The following MEOX1 variants were observed in gnomAD, a reference collection of about 807,000 sequenced individuals.
MEOX1 encodes the protein homeobox protein MOX-1.
MEOX1 carries 17 observed loss-of-function variants against 23.2 expected under a neutral mutation model. The observed-to-expected ratio is 0.73, with a 90% CI of 0.50 to 1.10. MEOX1 has a LOEUF of 1.10. MEOX1 is among the 50% of genes least tolerant of loss of function. MEOX1 has a pLI of 0.00. For synonymous variants in MEOX1, 134 were observed against 135.1 expected, an observed-to-expected ratio of 0.99 and a Z score of 0.06; for missense variants, 333 against 332.2, an observed-to-expected ratio of 1.00 and a Z score of -0.02.
intron 1 of MEOX1, among the ~76,000 whole-genome samples, chr17:43,660,228 C>T (rs1275023160): frequency 6.6e-6 from 1 of 152,084 alleles, no homozygotes; most frequent in Non-Finnish European, 1.5e-5. Context: ...AGCAGCAGGT[C>T]CCCACCCTGG....
chr17:43,643,471 G>A lies in MEOX1; in HGVS notation c.642+17C>T. 1.3e-6 allele frequency: 2 copies of A among 1,552,658 alleles called. No homozygotes were observed. Among genetic ancestry groups the A allele is most frequent in the South Asian group, 1.2e-5 (1 of 83,516 alleles). On this transcript the variant is annotated intron_variant, in intron 2 of 2. Transcript: ENST00000318579. ...GATGAGAGAGCAAAGAAGAGGAGGG[G>A]CCCACCGGGGGCGCACCTGGCGCTC...
chr17:43,661,776 C>A lies in MEOX1; in HGVS notation c.-242G>T. The A allele has an allele frequency of 5.0e-6, 2 of 401,706 alleles. No individual in the cohort carries two copies. The highest frequency in any genetic ancestry group is 2.1e-5 in the African/African-American group (1 of 48,570). The allele number at this position is 401,706 out of a possible 1,614,324, so 24.9% of individuals were successfully genotyped here. ...CACACCTATGTCGGGCTTGCTCCTGCCCCTCCAATGCACCAGCCTACCTAC... is the reference window on the plus strand; with the variant it reads ...CACACCTATGTCGGGCTTGCTCCTGACCCTCCAATGCACCAGCCTACCTAC... On this transcript the variant is annotated 5_prime_UTR_variant, in exon 1 of 3. Transcript: ENST00000318579.
At chr17:43,655,786 C>T (rs1041504782) in intron 1 of MEOX1, among the ~76,000 whole-genome samples, 1 of 151,038 alleles carries the variant, frequency 6.6e-6, no homozygotes, top group Non-Finnish European at 1.5e-5. Context: ...TGCATGATTT[C>T]ACTTATGTAA....
intron 1 of MEOX1, among the ~76,000 whole-genome samples, chr17:43,660,605 G>A (rs1046436757): frequency 6.6e-6 from 1 of 152,176 alleles, no homozygotes; most frequent in African/African-American, 2.4e-5. Flanking sequence ...GGCCACCCAG[G>A]GTCCCAGCTT....
chr17:43,646,715 C>T (rs1179173090), intron 1 of MEOX1, among the ~76,000 whole-genome samples: 7 of 152,244 alleles, frequency 4.6e-5, no homozygotes, highest in South Asian at 2.1e-4. Context: ...GTGGCTCACG[C>T]CTGTAATCCC....
chr17:43,641,931 T>G lies in MEOX1; in HGVS notation c.744A>C (p.Thr248=). ...AATCTCACTCTGAACTTGGAGAGGCTGTGGAGTCCCCATCCTCAGGGTCCT... is the reference window on the plus strand; with the variant it reads ...AATCTCACTCTGAACTTGGAGAGGCGGTGGAGTCCCCATCCTCAGGGTCCT... ...NGQDPEDGDS[T]ASPSSE Residue 248 remains threonine, a synonymous_variant, in exon 3 of 3, where the codon ACA becomes ACC. Coordinates refer to ENST00000318579, the MANE Select transcript of MEOX1 (RefSeq NM_004527.4). 3 of 1,613,892 alleles carry G rather than the reference T, an allele frequency of 1.9e-6. No individual in the cohort carries two copies. The highest frequency in any genetic ancestry group is 2.5e-6 in the Non-Finnish European group (3 of 1,179,894).
chr17:43,641,767 C>T lies in MEOX1; in HGVS notation c.*143G>A. ...GAAAATCCTAAGACTCCCAGGAATG[C>T]TGGGCAGTTTCATATCCAAGAGTCA... is the stretch of plus-strand genomic sequence containing the variant. On this transcript the variant is annotated 3_prime_UTR_variant, in exon 3 of 3. Coordinates refer to ENST00000318579, the MANE Select transcript of MEOX1 (RefSeq NM_004527.4). 1 of 839,552 alleles carries T rather than the reference C, an allele frequency of 1.2e-6. No individual in the cohort carries two copies. The highest frequency in any genetic ancestry group is 2.5e-4 in the Middle Eastern group (1 of 3,982). The allele number at this position is 839,552 out of a possible 1,614,324, so 52.0% of individuals were successfully genotyped here. A position where few individuals can be genotyped will look rare whatever the true frequency, so the allele number is the denominator to read the frequency against.
chr17:43,657,170 C>CTTT (rs57432395), intron 1 of MEOX1, among the ~76,000 whole-genome samples: 9 of 81,722 alleles, frequency 1.1e-4, no homozygotes, highest in Admixed American at 1.6e-4. Context: ...TTCTTTCTTT[C>CTTT]TTTTTTTTTT....
rs149330358 is a variant in MEOX1 at position 43,651,482 on chromosome 17, G to A, written c.470-7822C>T. On this transcript the variant is annotated intron_variant, in intron 1 of 2. Coordinates refer to ENST00000318579, the MANE Select transcript of MEOX1 (RefSeq NM_004527.4). ...TCACCCTCAGCTGTCACCAAAGGAA[G>A]TGTGGGCTTGAGACCCAGGCCCACT... Among the ~76,000 whole-genome samples, 467 of 152,190 alleles carry A rather than the reference G, an allele frequency of 3.1e-3. 1 individual carries two copies. Among genetic ancestry groups the A allele is most frequent in the African/African-American group, 9.5e-3 (395 of 41,518 alleles).
Position 43,645,326 on chromosome 17 carries a change from G to A in MEOX1, c.470-1666C>T, listed in dbSNP as rs368652952. On this transcript the variant is annotated intron_variant, in intron 1 of 2. Coordinates refer to ENST00000318579, the MANE Select transcript of MEOX1 (RefSeq NM_004527.4). ...CGAGTAGCTGGGACTACAGGCGCCC[G>A]CCACCACGCCCGGCAAATTTTTTTG... 1.4e-3 allele frequency among the ~76,000 whole-genome samples: 215 copies of A among 151,902 alleles called. 5 individuals are homozygous for A. The South Asian group carries it at 0.044, about 31-fold the overall frequency.
At chr17:43,658,648 C>T (rs933057077) in intron 1 of MEOX1, among the ~76,000 whole-genome samples, 2 of 151,888 alleles carry the variant, frequency 1.3e-5, no homozygotes. Context: ...GGGTGGGGGG[C>T]TCTCTGTGGG....
intron 1 of MEOX1, among the ~76,000 whole-genome samples, chr17:43,645,180 T>C (rs1262273129): frequency 7.0e-6 from 1 of 142,638 alleles, no homozygotes; most frequent in Non-Finnish European, 1.5e-5. Context: ...TCTTTTTTTT[T>C]TTTTTTTTTT....
intron 1 of MEOX1, among the ~76,000 whole-genome samples, chr17:43,657,166 C>CTTTTTT (rs1567748530): frequency 1.2e-5 from 1 of 81,146 alleles, no homozygotes; most frequent in African/African-American, 3.9e-5. Flanking sequence ...TTCTTTCTTT[C>CTTTTTT]TTTCTTTTTT....
intron 1 of MEOX1, among the ~76,000 whole-genome samples, chr17:43,654,888 T>TAAAAAAAA (rs1972986162): frequency 1.3e-5 from 2 of 151,534 alleles, no homozygotes; most frequent in East Asian, 3.9e-4. Context: ...CCGTCTCTAC[T>TAAAAAAAA]AAAAATACAA....
intron 1 of MEOX1, among the ~76,000 whole-genome samples, chr17:43,653,562 G>A (rs905221739): frequency 1.4e-5 from 2 of 146,546 alleles, no homozygotes; most frequent in Non-Finnish European, 3.0e-5. Flanking sequence ...CCAGGCTGGA[G>A]TGCAATGGTG....
chr17:43,643,460 G>A (rs931057527), intron 2 of MEOX1, 28 bp downstream of exon 2: 1 of 1,539,610 alleles, frequency 6.5e-7, no homozygotes, highest in African/African-American at 1.4e-5. Context: ...AGAGAGCAAA[G>A]AAGAGGAGGG....
At chr17:43,647,792 C>T (rs1008997721) in intron 1 of MEOX1, among the ~76,000 whole-genome samples, 4 of 152,178 alleles carry the variant, frequency 2.6e-5, no homozygotes, top group African/African-American at 4.8e-5. Flanking sequence ...GTTCCAGTGC[C>T]GATTTCCAGC....
chr17:43,661,537 G>A lies in MEOX1; in HGVS notation c.-3C>T, dbSNP rs776566502. The A allele has an allele frequency of 6.5e-7, 1 of 1,534,070 alleles. No homozygotes were observed. The highest frequency in any genetic ancestry group is 8.8e-7 in the Non-Finnish European group (1 of 1,137,708). ...CAGCTGCTGGCCGCGGGATCCATCT[G>A]CTGTCCGCTGCACGCCTCGGTCCTT... On this transcript the variant is annotated 5_prime_UTR_variant, in exon 1 of 3. Transcript: ENST00000318579.
chr17:43,656,600 C>T (rs1021936226), intron 1 of MEOX1, among the ~76,000 whole-genome samples: 5 of 152,138 alleles, frequency 3.3e-5, no homozygotes, highest in Non-Finnish European at 7.3e-5. Flanking sequence ...AGACAAATCA[C>T]GTCTGATTAA....
Sources: allele counts gnomAD v4.1 joint callset (sites outside exome capture counted in the v4.1 genomes callset), GRCh38; gene constraint gnomAD v4.1.1; transcripts MANE v1.5; gene names NCBI Gene and HGNC (gene_info 2026-07-23, HGNC 2026-07-21).